PDCD11: variants seen among roughly 807,000 people sequenced by gnomAD.
The protein encoded by PDCD11 is programmed cell death 11, also known as protein RRP5 homolog.
In PDCD11, 97 loss-of-function variants were observed where a neutral mutation model predicts 198.9. The ratio of observed to expected loss-of-function variants is 0.49; its 90% CI spans 0.41 to 0.58. PDCD11 has a LOEUF of 0.58. Among genes scored for constraint, PDCD11 ranks in the 20% least tolerant of loss-of-function variants. The probability of loss-of-function intolerance (pLI) is 0.00; values close to 1 mark genes in which losing one functional copy is unlikely to be tolerated. For synonymous variants in PDCD11, 893 were observed against 918.0 expected, an observed-to-expected ratio of 0.97 and a Z score of 0.49; for missense variants, 2,102 against 2,312.7, an observed-to-expected ratio of 0.91 and a Z score of 1.87.
Position 103,445,620 on chromosome 10 carries a change from C to A in PDCD11, c.*71C>A. 7.5e-7 allele frequency: 1 copy of A among 1,332,754 alleles called. No individual in the cohort carries two copies. The highest frequency in any genetic ancestry group is 1.3e-5 in the South Asian group (1 of 79,710). The allele number at this position is 1,332,754 out of a possible 1,614,324, so 82.6% of individuals were successfully genotyped here. On this transcript the variant is annotated 3_prime_UTR_variant, in exon 36 of 36. Transcript: ENST00000369797. The stretch of plus-strand genomic sequence containing the variant: ...GCCCCGCCTCGAGTGCCTGGGCACT[C>A]GGAAAACTGTTACCTCAGGACTCTA...
At position 103,403,103 on chromosome 10, in the gene PDCD11, CTT is replaced by C. The variant is rs750795851; in HGVS notation, c.235-11_235-10del. Reference sequence around the variant, plus strand: ...TCCCATCCTTATTGTACACATTTCACTTTTTCTCTTCTAGTCCCTGTGTGAGG... The same window carrying C: ...TCCCATCCTTATTGTACACATTTCACTTTCTCTTCTAGTCCCTGTGTGAGG... On this transcript the variant is annotated splice_polypyrimidine_tract_variant and intron_variant, in intron 3 of 35. Transcript: ENST00000369797. 6.2e-7 allele frequency: 1 copy of C among 1,612,812 alleles called. No homozygotes were observed. The highest frequency in any genetic ancestry group is 8.5e-7 in the Non-Finnish European group (1 of 1,179,040).
At position 103,409,722 on chromosome 10, in the gene PDCD11, A is replaced by G. The variant is rs2030678814; in HGVS notation, c.894A>G (p.Leu298=). 2.5e-6 allele frequency: 4 copies of G among 1,614,060 alleles called. No individual in the cohort carries two copies. The highest frequency in any genetic ancestry group is 3.3e-4 in the Middle Eastern group (2 of 6,062). ...AGGTGACTCCATTTGGCCTTACGCT[A>G]AACTTCCTCACATTCTTCACGGGCG... ...VQKVTPFGLT[L]NFLTFFTGVV... Residue 298 remains leucine, a synonymous_variant, in exon 8 of 36, where the codon CTA becomes CTG. Transcript: ENST00000369797.
intron 19 of PDCD11, 42 bp from the exon 20 acceptor site, chr10:103,424,942 C>T: frequency 1.3e-6 from 2 of 1,599,956 alleles, no homozygotes; most frequent in Non-Finnish European, 1.7e-6. Context: ...AGTGACCATG[C>T]TGTGTAAGGA....
intron 20 of PDCD11, 112 bp downstream of exon 20, chr10:103,425,637 G>C: frequency 1.2e-6 from 1 of 818,176 alleles, no homozygotes; most frequent in South Asian, 1.8e-5. Flanking sequence ...TTCTCTTTTA[G>C]TTAACAAAAG....
At chr10:103,429,976 G>A (rs572631686) in intron 21 of PDCD11, among the ~76,000 whole-genome samples, 1 of 152,174 alleles carries the variant, frequency 6.6e-6, no homozygotes, top group East Asian at 1.9e-4. Flanking sequence ...GTGTCAGAAT[G>A]TCCTGTCTTT....
intron 1 of PDCD11, among the ~76,000 whole-genome samples, chr10:103,398,085 CA>C (rs2093446763): frequency 6.6e-6 from 1 of 152,186 alleles, no homozygotes; most frequent in Non-Finnish European, 1.5e-5. Context: ...AAAAAGTGTG[CA>C]TGTTCTTTGA....
chr10:103,435,756 G>A (rs2032127486), intron 25 of PDCD11, among the ~76,000 whole-genome samples: 2 of 152,170 alleles, frequency 1.3e-5, no homozygotes, highest in South Asian at 4.1e-4. Flanking sequence ...CAGGTGATCT[G>A]CCCATCCTGG....
chr10:103,396,909 T>A (rs2093439003), intron 1 of PDCD11, among the ~76,000 whole-genome samples, 179 bp downstream of exon 1: 1 of 152,174 alleles, frequency 6.6e-6, no homozygotes, highest in South Asian at 2.1e-4. Flanking sequence ...GAAAGTAGCC[T>A]AAGTATCTTC....
In PDCD11 at chr10:103,432,253, C is replaced by T. The variant is rs537237884; in HGVS notation, c.3474+19C>T. 24 of 1,482,860 alleles carry T rather than the reference C, an allele frequency of 1.6e-5. No homozygotes were observed. The South Asian group carries it at 1.9e-4, about 12-fold the overall frequency. The allele number at this position is 1,482,860 out of a possible 1,614,324, so 91.9% of individuals were successfully genotyped here. A position where few individuals can be genotyped will look rare whatever the true frequency, so the allele number is the denominator to read the frequency against. Reference sequence around the variant, plus strand: ...AAAGAAAGTAAGTAGTTTTGCCACTCGGCAATGAGATGTCATTCTTCTTTC... The same window carrying T: ...AAAGAAAGTAAGTAGTTTTGCCACTTGGCAATGAGATGTCATTCTTCTTTC... On this transcript the variant is annotated intron_variant, in intron 22 of 35. Coordinates refer to ENST00000369797, the MANE Select transcript of PDCD11 (RefSeq NM_014976.2).
At chr10:103,397,298 G>A (rs575118817) in intron 1 of PDCD11, among the ~76,000 whole-genome samples, 1 of 141,434 alleles carries the variant, frequency 7.1e-6, no homozygotes, top group South Asian at 2.2e-4. Flanking sequence ...CTTCAATACT[G>A]TCTCTCTTCA....
Position 103,415,103 on chromosome 10 carries a change from G to C in PDCD11, c.1470G>C (p.Met490Ile). The C allele has an allele frequency of 6.2e-7, 1 of 1,614,124 alleles. No individual in the cohort carries two copies. Among genetic ancestry groups the C allele is most frequent in the South Asian group, 1.1e-5 (1 of 91,034 alleles). Residue 490 changes from methionine (M) to isoleucine (I), a missense_variant, in exon 12 of 36, where the codon ATG becomes ATC. Met to Ile is a conservative substitution (Grantham distance 10). Transcript: ENST00000369797. ...CCATGCACCTGGCTGACATCCTGAT[G>C]AAGAATCCGGAGAAGAAGTACCACA... is the stretch of plus-strand genomic sequence containing the variant. ...VPPMHLADIL[M>I]KNPEKKYHIG...
chr10:103,410,234 CAAAA>C (rs57446089), intron 8 of PDCD11, among the ~76,000 whole-genome samples: 1 of 93,292 alleles, frequency 1.1e-5, no homozygotes, highest in Non-Finnish European at 2.2e-5. Context: ...GACTCCATCT[CAAAA>C]AAAAAAAAAA....
At chr10:103,421,249 C>T (rs1406377943) in intron 16 of PDCD11, 99 bp from the exon 17 acceptor site, 1 of 888,364 alleles carries the variant, frequency 1.1e-6, no homozygotes, top group African/African-American at 1.7e-5. Context: ...TCCTAGGCCC[C>T]ATTTCCCCCT....
In PDCD11 at chr10:103,397,580, C is replaced by G. The variant is rs187065361; in HGVS notation, c.-11-836C>G. Among the ~76,000 whole-genome samples the G allele has an allele frequency of 7.7e-4, 118 of 152,314 alleles. 1 individual carries two copies. The highest frequency in any genetic ancestry group is 2.6e-3 in the African/African-American group (110 of 41,558). ...CCTGCCTAGTAGCTGGGACTAGGCG[C>G]AGGCCACCACGCCCGGCTAATTTTT... On this transcript the variant is annotated intron_variant, in intron 1 of 35. Coordinates refer to ENST00000369797, the MANE Select transcript of PDCD11 (RefSeq NM_014976.2).
intron 16 of PDCD11, among the ~76,000 whole-genome samples, 169 bp from the exon 17 acceptor site, chr10:103,421,179 G>A (rs1445652535): frequency 2.6e-5 from 4 of 152,140 alleles, no homozygotes; most frequent in African/African-American, 7.2e-5. Flanking sequence ...CAGCCAATCC[G>A]GAGGCTCTGT....
At position 103,445,722 on chromosome 10, in the gene PDCD11, C is replaced by T. The variant is rs541273325; in HGVS notation, c.*173C>T. The T allele has an allele frequency of 1.5e-5, 9 of 583,038 alleles. No homozygotes were observed. The highest frequency in any genetic ancestry group is 1.5e-4 in the African/African-American group (8 of 53,850). The allele number at this position is 583,038 out of a possible 1,614,324, so 36.1% of individuals were successfully genotyped here. A position where few individuals can be genotyped will look rare whatever the true frequency, so the allele number is the denominator to read the frequency against. ...AAAGGAAGTTGAGATTTTTTAAATC[C>T]CTCTTCGCTTGCTTTATTTTCAGTA... On this transcript the variant is annotated 3_prime_UTR_variant, in exon 36 of 36. Coordinates refer to ENST00000369797, the MANE Select transcript of PDCD11 (RefSeq NM_014976.2).
chr10:103,433,937 T>C lies in PDCD11; in HGVS notation c.3475-11T>C. On this transcript the variant is annotated splice_polypyrimidine_tract_variant and intron_variant, in intron 22 of 35. Coordinates refer to ENST00000369797, the MANE Select transcript of PDCD11 (RefSeq NM_014976.2). ...GTATTTGCCCTACTCTGGTTCCTTTTTTTCCCTCAGTACAATGTGGTGAAG... is the reference window on the plus strand; with the variant it reads ...GTATTTGCCCTACTCTGGTTCCTTTCTTTCCCTCAGTACAATGTGGTGAAG... 6.2e-7 allele frequency: 1 copy of C among 1,609,162 alleles called. No homozygotes were observed. Among genetic ancestry groups the C allele is most frequent in the South Asian group, 1.1e-5 (1 of 90,902 alleles).
chr10:103,443,068 A>G, intron 32 of PDCD11, 97 bp from the exon 33 acceptor site: 2 of 1,076,070 alleles, frequency 1.9e-6, no homozygotes, highest in Non-Finnish European at 2.7e-6. Context: ...ACACAGATAG[A>G]GGCTGGGAGG....
Position 103,416,540 on chromosome 10 carries a change from A to C in PDCD11, c.1568A>C (p.Lys523Thr). ...EAKKLMMTLK[K>T]TLIESKLPVI... ...AAGAAGCTGATGATGACCCTGAAAAAAACCCTGATTGAGTCCAAACTACCT... is the reference window on the plus strand; with the variant it reads ...AAGAAGCTGATGATGACCCTGAAAACAACCCTGATTGAGTCCAAACTACCT... The change falls in exon 13 of 36, where the codon AAA (lysine) becomes ACA (threonine). Residue 523 changes from lysine (K) to threonine (T), a missense_variant. Coordinates refer to ENST00000369797, the MANE Select transcript of PDCD11 (RefSeq NM_014976.2). The C allele has an allele frequency of 6.2e-7, 1 of 1,614,142 alleles. No homozygotes were observed. The highest frequency in any genetic ancestry group is 8.5e-7 in the Non-Finnish European group (1 of 1,180,034).
Sources: allele counts gnomAD v4.1 joint callset (sites outside exome capture counted in the v4.1 genomes callset), GRCh38; gene constraint gnomAD v4.1.1; transcripts MANE v1.5; gene names NCBI Gene and HGNC (gene_info 2026-07-23, HGNC 2026-07-21).